Variants in EPHB1 observed in about 807,000 individuals in gnomAD.
The protein encoded by EPHB1 is EPH receptor B1.
In EPHB1, 30 loss-of-function variants were observed where a neutral mutation model predicts 94.4. The observed-to-expected ratio is 0.32, with a 90% confidence interval of 0.24 to 0.43. EPHB1 has a LOEUF of 0.43. Ranked by LOEUF, EPHB1 falls within the 20% of genes least tolerant of loss-of-function variation. The probability of loss-of-function intolerance (pLI) is 1.00; values close to 1 mark genes in which losing one functional copy is unlikely to be tolerated. For missense variants in EPHB1, 1,055 were observed against 1,308.3 expected (o/e 0.81, Z 2.99); for synonymous variants, 522 against 489.1 (o/e 1.07, Z -0.89).
At chr3:135,221,279 C>G (rs1302022621) in intron 12 of EPHB1, among the ~76,000 whole-genome samples, 1 of 152,106 alleles carries the variant, frequency 6.6e-6, no homozygotes, top group East Asian at 1.9e-4. Context: ...GTTCTATTAT[C>G]CAAAAATAAT....
At chr3:134,857,577 T>G (rs1433334928) in intron 1 of EPHB1, among the ~76,000 whole-genome samples, 1 of 152,042 alleles carries the variant, frequency 6.6e-6, no homozygotes, top group East Asian at 1.9e-4. Flanking sequence ...TTGGGCCTGG[T>G]GGGTACTGTG....
At chr3:134,879,549 G>A (rs1338186973) in intron 1 of EPHB1, among the ~76,000 whole-genome samples, 1 of 152,176 alleles carries the variant, frequency 6.6e-6, no homozygotes, top group Non-Finnish European at 1.5e-5. Context: ...CTACTCAGGA[G>A]GCTGAGGTGG....
intron 3 of EPHB1, among the ~76,000 whole-genome samples, chr3:134,998,173 T>A (rs572187298): frequency 6.6e-6 from 1 of 152,282 alleles, no homozygotes; most frequent in South Asian, 2.1e-4. Context: ...ATGTGAAAAA[T>A]ACAGTTTCCT....
intron 3 of EPHB1, among the ~76,000 whole-genome samples, chr3:135,079,876 A>G (rs559062733): frequency 3.6e-4 from 55 of 151,866 alleles, no homozygotes; most frequent in African/African-American, 1.3e-3. Flanking sequence ...TCTCTAATGC[A>G]TGGGGGCAAC....
At chr3:135,226,801 A>C (rs966720988) in intron 12 of EPHB1, among the ~76,000 whole-genome samples, 3 of 152,192 alleles carry the variant, frequency 2.0e-5, no homozygotes, top group Non-Finnish European at 4.4e-5. Flanking sequence ...CTTTATTTAA[A>C]AACCGATCCA....
chr3:134,827,353 G>A lies in EPHB1; in HGVS notation c.58+31664G>A, dbSNP rs543270627. Among the ~76,000 whole-genome samples, 13 of 133,056 alleles carry A rather than the reference G, an allele frequency of 9.8e-5. 1 individual carries two copies. In the South Asian group the frequency reaches 3.0e-3, roughly 31 times the overall value. 87.3% of individuals were successfully genotyped at this position (133,056 alleles called of 152,430 possible). On this transcript the variant is annotated intron_variant, in intron 1 of 15. Coordinates refer to ENST00000398015, the MANE Select transcript of EPHB1 (RefSeq NM_004441.5). Reference sequence around the variant, plus strand: ...GGAAACAAAATCAACAGATGTGCGCGGGTGCGCGTGCACACACACACACAC... The same window carrying A: ...GGAAACAAAATCAACAGATGTGCGCAGGTGCGCGTGCACACACACACACAC...
chr3:134,850,103 G>A (rs2036949252), intron 1 of EPHB1, among the ~76,000 whole-genome samples: 1 of 152,206 alleles, frequency 6.6e-6, no homozygotes, highest in African/African-American at 2.4e-5. Context: ...CAGGGCTGCA[G>A]ACGAGCAGAG....
At chr3:134,953,435 C>A (rs1186136329) in intron 3 of EPHB1, among the ~76,000 whole-genome samples, 2 of 152,238 alleles carry the variant, frequency 1.3e-5, no homozygotes, top group Non-Finnish European at 2.9e-5. Flanking sequence ...ATCTTAGATC[C>A]ACTGATGCAT....
chr3:135,225,679 G>A (rs16842829), intron 12 of EPHB1, among the ~76,000 whole-genome samples: 13,547 of 151,996 alleles, frequency 0.089, 700 homozygotes, highest in South Asian at 0.13. Context: ...GTTTAGGAAG[G>A]CCACACCTCA....
At chr3:135,087,772 C>A (rs560369590) in intron 3 of EPHB1, among the ~76,000 whole-genome samples, 3 of 152,256 alleles carry the variant, frequency 2.0e-5, no homozygotes, top group African/African-American at 4.8e-5. Flanking sequence ...AGGAAGAGTT[C>A]GCATCAGTGA....
chr3:134,858,521 G>A (rs889225250), intron 1 of EPHB1, among the ~76,000 whole-genome samples: 6 of 152,096 alleles, frequency 3.9e-5, no homozygotes, highest in African/African-American at 1.4e-4. Flanking sequence ...ACATGGCAAG[G>A]GATGATTTAA....
chr3:135,002,130 A>C (rs945808159), intron 3 of EPHB1, among the ~76,000 whole-genome samples: 1 of 152,236 alleles, frequency 6.6e-6, no homozygotes, highest in Non-Finnish European at 1.5e-5. Flanking sequence ...TGTAATATGG[A>C]TGGACCTTGA....
At chr3:134,820,050 C>A (rs2036351309) in intron 1 of EPHB1, among the ~76,000 whole-genome samples, 1 of 152,112 alleles carries the variant, frequency 6.6e-6, no homozygotes. Flanking sequence ...TGTCCCCTTC[C>A]CCTCCCCTCA....
At chr3:135,029,609 G>T (rs867355166) in intron 3 of EPHB1, among the ~76,000 whole-genome samples, 512 of 149,708 alleles carry the variant, frequency 3.4e-3, no homozygotes, top group South Asian at 0.01. Context: ...AGTCTGATGG[G>T]CTTCCCTTTG....
Position 135,097,851 on chromosome 3 carries a change from C to A in EPHB1, c.806-8597C>A, listed in dbSNP as rs115927408. Among the ~76,000 whole-genome samples, 1,162 of 152,310 alleles carry A rather than the reference C, an allele frequency of 7.6e-3. 4 individuals are homozygous for A. The highest frequency in any genetic ancestry group is 0.013 in the Non-Finnish European group (867 of 68,030). ...CGCTCCAGCCCTCCTCCCACCATGG[C>A]CCACATAGATGCTTCGTATTCTTGG... On this transcript the variant is annotated intron_variant, in intron 3 of 15. Coordinates refer to ENST00000398015, the MANE Select transcript of EPHB1 (RefSeq NM_004441.5).
Position 135,053,054 on chromosome 3 carries a change from T to TATATATATATATAA in EPHB1, c.806-53393_806-53392insTATATATATATAAA, listed in dbSNP as rs1228359626. On this transcript the variant is annotated intron_variant, in intron 3 of 15. Coordinates refer to ENST00000398015, the MANE Select transcript of EPHB1 (RefSeq NM_004441.5). ...ATATATATATATATATATATATATA[T>TATATATATATATAA]AAAGTTGGTGTGTTGGTTAATATAA... Among the ~76,000 whole-genome samples the TATATATATATATAA allele has an allele frequency of 1.6e-4, 22 of 136,350 alleles. 1 individual carries two copies. The highest frequency in any genetic ancestry group is 6.2e-4 in the African/African-American group (22 of 35,606). 89.5% of individuals were successfully genotyped at this position (136,350 alleles called of 152,430 possible). A position where few individuals can be genotyped will look rare whatever the true frequency, so the allele number is the denominator to read the frequency against.
chr3:134,988,892 G>A (rs1934696922), intron 3 of EPHB1, among the ~76,000 whole-genome samples: 1 of 152,192 alleles, frequency 6.6e-6, no homozygotes, highest in African/African-American at 2.4e-5. Context: ...AGGCAGAACA[G>A]GAGATGTTTC....
At chr3:135,166,808 G>GA (rs1941663968) in intron 8 of EPHB1, 134 bp from the exon 9 acceptor site, 1 of 819,376 alleles carries the variant, frequency 1.2e-6, no homozygotes, top group Admixed American at 2.4e-5. Context: ...GGGCTGAAGT[G>GA]AGAGTTGCCC....
At chr3:135,187,163 C>A (rs1467793606) in intron 10 of EPHB1, among the ~76,000 whole-genome samples, 2 of 152,142 alleles carry the variant, frequency 1.3e-5, no homozygotes, top group Non-Finnish European at 2.9e-5. Context: ...TAGGAGAGGA[C>A]CCAATGTCAG....
Sources: allele counts gnomAD v4.1 joint callset (sites outside exome capture counted in the v4.1 genomes callset), GRCh38; gene constraint gnomAD v4.1.1; transcripts MANE v1.5; gene names NCBI Gene and HGNC (gene_info 2026-07-23, HGNC 2026-07-21).